USP48: variants seen among roughly 807,000 people sequenced by gnomAD.
USP48 encodes the protein ubiquitin carboxyl-terminal hydrolase 48.
USP48 carries 43 observed loss-of-function variants against 150.7 expected under a neutral mutation model. That is an observed-to-expected ratio of 0.29 (90% CI 0.22 to 0.37). USP48 has a LOEUF of 0.37. USP48 is among the 10% of genes least tolerant of loss of function. USP48 has a pLI of 1.00. For missense variants in USP48, 813 were observed against 1,249.6 expected, an observed-to-expected ratio of 0.65 and a Z score of 5.27; for synonymous variants, 396 against 425.9, an observed-to-expected ratio of 0.93 and a Z score of 0.86.
At chr1:21,747,024 G>A in intron 8 of USP48, 43 bp downstream of exon 8, 6 of 1,439,696 alleles carry the variant, frequency 4.2e-6, no homozygotes, top group African/African-American at 1.4e-5. Flanking sequence ...ACAAGTTAGA[G>A]TCTCTGAGCA....
chr1:21,721,216 T>C (rs750519725), intron 13 of USP48, 50 bp from the exon 14 acceptor site: 2 of 1,600,600 alleles, frequency 1.2e-6, no homozygotes, highest in Admixed American at 3.4e-5. Flanking sequence ...TTCCAAACAC[T>C]GTCCTCCCTT....
intron 22 of USP48, among the ~76,000 whole-genome samples, chr1:21,699,300 G>A (rs1379485729): frequency 2.7e-5 from 4 of 147,800 alleles, no homozygotes; most frequent in Non-Finnish European, 5.9e-5. Context: ...CTGGGTTCAC[G>A]CCATTCTCCT....
chr1:21,709,233 C>A (rs556189948), intron 15 of USP48, among the ~76,000 whole-genome samples: 2 of 152,220 alleles, frequency 1.3e-5, no homozygotes, highest in African/African-American at 4.8e-5. Flanking sequence ...CTACCCCTCA[C>A]CTCTTCTGGA....
At chr1:21,683,236 A>C (rs1297674224) in intron 25 of USP48, among the ~76,000 whole-genome samples, 2 of 151,982 alleles carry the variant, frequency 1.3e-5, no homozygotes, top group Non-Finnish European at 1.5e-5. Context: ...GCCTTTTGAG[A>C]CTCCATCTCA....
chr1:21,753,280 G>A (rs917119970), intron 3 of USP48, among the ~76,000 whole-genome samples, 161 bp from the exon 4 acceptor site: 4 of 152,126 alleles, frequency 2.6e-5, no homozygotes, highest in African/African-American at 7.2e-5. Flanking sequence ...GGCTGAGCAC[G>A]GTGGCTCATG....
intron 1 of USP48, among the ~76,000 whole-genome samples, chr1:21,777,451 G>A (rs527388959): frequency 6.6e-6 from 1 of 152,190 alleles, no homozygotes; most frequent in East Asian, 1.9e-4. Context: ...GACTGCTTGA[G>A]GCTAAAGGTT....
chr1:21,741,004 T>C (rs578073161), intron 8 of USP48, among the ~76,000 whole-genome samples: 23 of 152,248 alleles, frequency 1.5e-4, no homozygotes, highest in Admixed American at 1.0e-3. Context: ...ACATGCAACA[T>C]AGAGTAAGAA....
At chr1:21,733,975 A>G (rs1458639937) in intron 9 of USP48, among the ~76,000 whole-genome samples, 1 of 152,050 alleles carries the variant, frequency 6.6e-6, no homozygotes, top group Non-Finnish European at 1.5e-5. Flanking sequence ...TGCTATCTCA[A>G]TTTTGTTCCT....
At chr1:21,695,376 T>G (rs1354256772) in intron 22 of USP48, among the ~76,000 whole-genome samples, 155 bp from the exon 23 acceptor site, 1 of 152,212 alleles carries the variant, frequency 6.6e-6, no homozygotes, top group Non-Finnish European at 1.5e-5. Context: ...AACGAGACTT[T>G]CTTAGCAGGC....
intron 25 of USP48, among the ~76,000 whole-genome samples, chr1:21,682,842 TC>T (rs1219124175): frequency 1.3e-5 from 2 of 148,514 alleles, no homozygotes; most frequent in Non-Finnish European, 3.0e-5. Flanking sequence ...GCCACTGCAC[TC>T]CAGCTTGGGC....
At position 21,699,651 on chromosome 1, in the gene USP48, C is replaced by T. The variant is rs189975251; in HGVS notation, c.2727+1847G>A. On this transcript the variant is annotated intron_variant, in intron 22 of 26. Transcript: ENST00000308271. ...GCCTCAGCCTCCTGAGTAGCTGGGA[C>T]TACAAGTGCCCGCCACCACGCCCGG... Among the ~76,000 whole-genome samples the T allele has an allele frequency of 7.5e-3, 1,134 of 151,834 alleles. 16 individuals carry two copies. Among genetic ancestry groups the T allele is most frequent in the African/African-American group, 0.026 (1,075 of 41,382 alleles).
chr1:21,688,020 CG>C (rs1472467090), intron 24 of USP48, among the ~76,000 whole-genome samples: 1 of 152,002 alleles, frequency 6.6e-6, no homozygotes, highest in Non-Finnish European at 1.5e-5. Flanking sequence ...CACACCAGAA[CG>C]GGGGCTCCAA....
intron 23 of USP48, 149 bp downstream of exon 23, chr1:21,694,917 T>C (rs2097621788): frequency 1.1e-6 from 1 of 910,706 alleles, no homozygotes; most frequent in South Asian, 2.6e-5. Flanking sequence ...CACTTTCATC[T>C]TCACAAAAAG....
intron 22 of USP48, among the ~76,000 whole-genome samples, chr1:21,700,878 C>A (rs971626323): frequency 1.3e-5 from 2 of 151,844 alleles, no homozygotes; most frequent in Admixed American, 6.6e-5. Flanking sequence ...TCAAGACCAG[C>A]CTAGGTGAAA....
intron 9 of USP48, among the ~76,000 whole-genome samples, chr1:21,734,087 C>A (rs937604986): frequency 1.3e-5 from 2 of 152,170 alleles, no homozygotes; most frequent in Non-Finnish European, 2.9e-5. Flanking sequence ...GTTCTATAAA[C>A]ACAGAAATGT....
chr1:21,773,857 G>C (rs980820578), intron 1 of USP48, among the ~76,000 whole-genome samples: 1 of 150,216 alleles, frequency 6.7e-6, no homozygotes, highest in Non-Finnish European at 1.5e-5. Context: ...TATAATGAAG[G>C]TTAGGCACAG....
chr1:21,769,264 G>A (rs1161136965), intron 1 of USP48, among the ~76,000 whole-genome samples: 1 of 152,040 alleles, frequency 6.6e-6, no homozygotes, highest in African/African-American at 2.4e-5. Flanking sequence ...TAACACAGGA[G>A]AATATTTAGG....
chr1:21,754,684 C>T (rs1191282082), intron 3 of USP48, among the ~76,000 whole-genome samples: 1 of 152,132 alleles, frequency 6.6e-6, no homozygotes, highest in Non-Finnish European at 1.5e-5. Context: ...CAGGTTCCTG[C>T]CCCTAACAGT....
chr1:21,702,435 G>A (rs2097659837), intron 21 of USP48, among the ~76,000 whole-genome samples: 1 of 152,016 alleles, frequency 6.6e-6, no homozygotes, highest in Admixed American at 6.6e-5. Flanking sequence ...ATCCAAGCAA[G>A]TATTAACACC....
Sources: gnomAD v4.1 joint callset for allele counts (sites outside exome capture counted in the v4.1 genomes callset) on GRCh38, gnomAD v4.1.1 for gene constraint, MANE v1.5 for transcripts, NCBI Gene and HGNC (gene_info 2026-07-23, HGNC 2026-07-21) for gene names.